The following SNRPC variants were observed in gnomAD, a reference collection of about 807,000 sequenced individuals.
The protein encoded by SNRPC is small nuclear ribonucleoprotein polypeptide C.
In SNRPC, 5 loss-of-function variants were observed where a neutral mutation model predicts 20.0. The observed-to-expected ratio is 0.25, with a 90% CI of 0.13 to 0.53. SNRPC has a LOEUF of 0.53. Among genes scored for constraint, SNRPC ranks in the 20% least tolerant of loss-of-function variants. SNRPC has a pLI of 0.96. For synonymous variants in SNRPC, 61 were observed against 58.7 expected, an observed-to-expected ratio of 1.04 and a Z score of -0.18; for missense variants, 112 against 224.1, an observed-to-expected ratio of 0.50 and a Z score of 3.19.
intron 2 of SNRPC, 78 bp downstream of exon 2, chr6:34,758,032 G>GC: frequency 6.7e-7 from 1 of 1,486,494 alleles, no homozygotes; most frequent in Non-Finnish European, 9.1e-7. Context: ...TTTTTAAGTT[G>GC]CAAGTTGTGC....
chr6:34,765,238 G>A (rs888676874), intron 3 of SNRPC, among the ~76,000 whole-genome samples: 18 of 152,146 alleles, frequency 1.2e-4, no homozygotes, highest in South Asian at 1.0e-3. Flanking sequence ...CTAGATGCCC[G>A]TACCAACCTC....
intron 3 of SNRPC, among the ~76,000 whole-genome samples, chr6:34,764,499 CAAA>C (rs762284498): frequency 6.8e-6 from 1 of 147,754 alleles, no homozygotes; most frequent in Non-Finnish European, 1.5e-5. Flanking sequence ...AAAAAAACAA[CAAA>C]AAACAAAAAA....
At chr6:34,770,139 T>C in intron 4 of SNRPC, 152 bp from the exon 5 acceptor site, 4 of 662,816 alleles carry the variant, frequency 6.0e-6, no homozygotes, top group Non-Finnish European at 1.1e-5. Flanking sequence ...GGAGAATTGC[T>C]TGAACCTGGG....
intron 5 of SNRPC, among the ~76,000 whole-genome samples, chr6:34,770,914 AGTT>A (rs1486457952): frequency 6.6e-6 from 1 of 152,242 alleles, no homozygotes. Flanking sequence ...TCAGCCTGGT[AGTT>A]GTTTTTTTAT....
intron 1 of SNRPC, 84 bp downstream of exon 1, chr6:34,757,635 T>A: frequency 2.0e-6 from 3 of 1,479,680 alleles, no homozygotes; most frequent in Non-Finnish European, 2.8e-6. Flanking sequence ...TTCTGGTTTC[T>A]GAAACCTCGA....
At position 34,767,167 on chromosome 6, in the gene SNRPC, T is replaced by C. The variant is rs530936384; in HGVS notation, c.161-741T>C. Among the ~76,000 whole-genome samples the C allele has an allele frequency of 1.8e-3, 270 of 152,362 alleles. 2 individuals carry two copies. The highest frequency in any genetic ancestry group is 3.2e-3 in the Non-Finnish European group (218 of 68,038). On this transcript the variant is annotated intron_variant, in intron 3 of 5. Coordinates refer to ENST00000244520, the MANE Select transcript of SNRPC (RefSeq NM_003093.3). Reference sequence around the variant, plus strand: ...TCCAAACTGGTAAACCAACATGGTGTATTATTTTGACCTAGGACAGCATAC... The same window carrying C: ...TCCAAACTGGTAAACCAACATGGTGCATTATTTTGACCTAGGACAGCATAC...
At chr6:34,764,820 G>A (rs542808543) in intron 3 of SNRPC, among the ~76,000 whole-genome samples, 6 of 152,178 alleles carry the variant, frequency 3.9e-5, no homozygotes, top group Non-Finnish European at 5.9e-5. Context: ...TCAGCAGTTT[G>A]AGACCAGCCT....
intron 3 of SNRPC, among the ~76,000 whole-genome samples, chr6:34,765,810 C>T (rs895191251): frequency 1.3e-5 from 2 of 152,040 alleles, no homozygotes; most frequent in African/African-American, 4.8e-5. Flanking sequence ...GCCATTAAAG[C>T]TCACTGCAGC....
Position 34,773,298 on chromosome 6 carries a change from G to A in SNRPC, c.356-148G>A. The A allele has an allele frequency of 1.6e-6, 1 of 628,262 alleles. No individual in the cohort carries two copies. Among genetic ancestry groups the A allele is most frequent in the African/African-American group, 1.8e-5 (1 of 54,570 alleles). 38.9% of individuals were successfully genotyped at this position (628,262 alleles called of 1,614,324 possible). On this transcript the variant is annotated intron_variant, in intron 5 of 5. Transcript: ENST00000244520. This position sits in a 1 kb window ranked among gnomAD's most constrained non-coding sequence, Gnocchi z 4.1. Reference sequence around the variant, plus strand: ...AGTAATTTACAGATGTGATAAATTTGTTGCATTTCTTCTGTCACGTGTGTC... The same window carrying A: ...AGTAATTTACAGATGTGATAAATTTATTGCATTTCTTCTGTCACGTGTGTC...
chr6:34,757,536 A>C lies in SNRPC; in HGVS notation c.-8A>C, dbSNP rs1322142897. The C allele has an allele frequency of 1.9e-6, 3 of 1,613,730 alleles. No homozygotes were observed. The highest frequency in any genetic ancestry group is 1.7e-6 in the Non-Finnish European group (2 of 1,179,640). The stretch of plus-strand genomic sequence containing the variant: ...CGTAACGGAGTGGCCAACGGCCTGC[A>C]GAGCAACATGCCCAAGTGAGTGGGG... On this transcript the variant is annotated 5_prime_UTR_variant, in exon 1 of 6. Coordinates refer to ENST00000244520, the MANE Select transcript of SNRPC (RefSeq NM_003093.3).
At position 34,773,361 on chromosome 6, in the gene SNRPC, G is replaced by T; in HGVS notation, c.356-85G>T. The stretch of plus-strand genomic sequence containing the variant: ...TTTTGCAAGGGGGGCTACGTTTTTT[G>T]TTTTTAATTGAAGTCCCATCAAACT... On this transcript the variant is annotated intron_variant, in intron 5 of 5. Coordinates refer to ENST00000244520, the MANE Select transcript of SNRPC (RefSeq NM_003093.3). The surrounding 1 kb of genome is among the most constrained non-coding windows in gnomAD (Gnocchi z 4.1). 8 of 1,289,654 alleles carry T rather than the reference G, an allele frequency of 6.2e-6. No homozygotes were observed. Among genetic ancestry groups the T allele is most frequent in the Admixed American group, 4.7e-5 (2 of 42,500 alleles). 79.9% of individuals were successfully genotyped at this position (1,289,654 alleles called of 1,614,324 possible).
intron 4 of SNRPC, 142 bp from the exon 5 acceptor site, chr6:34,770,149 G>A (rs1764668309): frequency 7.3e-6 from 5 of 688,606 alleles, no homozygotes; most frequent in Non-Finnish European, 1.3e-5. Context: ...TTGAACCTGG[G>A]AGGCAGAGGT....
chr6:34,766,820 G>C (rs1581591920), intron 3 of SNRPC, among the ~76,000 whole-genome samples: 1 of 152,010 alleles, frequency 6.6e-6, no homozygotes, highest in Non-Finnish European at 1.5e-5. Flanking sequence ...CACTTTTTTT[G>C]GATCTGATCC....
At chr6:34,763,855 T>C (rs1453915100) in intron 3 of SNRPC, among the ~76,000 whole-genome samples, 1 of 150,214 alleles carries the variant, frequency 6.7e-6, no homozygotes, top group Non-Finnish European at 1.5e-5. Flanking sequence ...TAGCTGGGAT[T>C]ACAGGCGCAT....
intron 3 of SNRPC, among the ~76,000 whole-genome samples, chr6:34,765,981 TCCTCCTGCCTCGGCCTCCAGA>T (rs1764608601): frequency 6.6e-6 from 1 of 151,420 alleles, no homozygotes; most frequent in Non-Finnish European, 1.5e-5. Context: ...CCTCAAGCAA[TCCTCCTGCCTCGGCCTCCAGA>T]AGTGTTGGGA....
chr6:34,762,534 T>C lies in SNRPC; in HGVS notation c.52-61T>C, dbSNP rs1181673704. 6 of 877,724 alleles carry C rather than the reference T, an allele frequency of 6.8e-6. No homozygotes were observed. The Admixed American group carries it at 9.9e-5, about 14-fold the overall frequency. The allele number at this position is 877,724 out of a possible 1,614,324, so 54.4% of individuals were successfully genotyped here. On this transcript the variant is annotated intron_variant, in intron 2 of 5. Transcript: ENST00000244520. ...CGCTACTTATATAAAGGTAAAACTT[T>C]ATTAAATTTTTAGTGTTGGACATTT...
At chr6:34,758,909 A>C (rs1486897200) in intron 2 of SNRPC, among the ~76,000 whole-genome samples, 2 of 151,014 alleles carry the variant, frequency 1.3e-5, no homozygotes, top group African/African-American at 2.4e-5. Context: ...AGTCCCAGCT[A>C]CTCGGGAGGC....
chr6:34,767,904 A>C lies in SNRPC; in HGVS notation c.161-4A>C. On this transcript the variant is annotated splice_region_variant and splice_polypyrimidine_tract_variant and intron_variant, in intron 3 of 5. Transcript: ENST00000244520. ...TTTTTTTTTTTTTTCCTCACCCTCC[A>C]AAGCGGCTGCATTTCAACAAGGAAA... 4 of 1,527,130 alleles carry C rather than the reference A, an allele frequency of 2.6e-6. No individual in the cohort carries two copies. Among genetic ancestry groups the C allele is most frequent in the Non-Finnish European group, 3.5e-6 (4 of 1,139,524 alleles). The allele number at this position is 1,527,130 out of a possible 1,614,324, so 94.6% of individuals were successfully genotyped here.
chr6:34,759,784 A>G (rs1392425691), intron 2 of SNRPC, among the ~76,000 whole-genome samples: 1 of 152,214 alleles, frequency 6.6e-6, no homozygotes, highest in Admixed American at 6.5e-5. Flanking sequence ...AGACCTCATG[A>G]AAGAGTCTCA....
Sources: gnomAD v4.1 joint callset for allele counts (sites outside exome capture counted in the v4.1 genomes callset) on GRCh38, gnomAD v4.1.1 for gene constraint, Gnocchi (gnomAD v3.1) non-coding constraint, MANE v1.5 for transcripts, NCBI Gene and HGNC (gene_info 2026-07-23, HGNC 2026-07-21) for gene names.